Variants in SYT5 observed in about 807,000 individuals in gnomAD.
SYT5 encodes the protein synaptotagmin 5.
In SYT5, 29 loss-of-function variants were observed where a neutral mutation model predicts 36.0. The observed-to-expected ratio is 0.81, with a 90% CI of 0.60 to 1.10. The LOEUF (loss-of-function observed/expected upper bound fraction) is 1.10, where lower values mean the gene tolerates loss of function less well. Ranked by LOEUF, SYT5 falls within the 50% of genes least tolerant of loss-of-function variation. SYT5 has a pLI of 0.00. For missense variants in SYT5, 512 were observed against 516.0 expected (o/e 0.99, Z 0.08); for synonymous variants, 231 against 227.6 (o/e 1.02, Z -0.14).
rs373887538 is a variant in SYT5 at position 55,174,661 on chromosome 19, G to A, written c.827-11C>T. On this transcript the variant is annotated splice_polypyrimidine_tract_variant and intron_variant, in intron 7 of 8. Coordinates refer to ENST00000354308, the MANE Select transcript of SYT5 (RefSeq NM_003180.3). ...CCTTGACGTATGGATCTGGGGAGAGGAAGGAGGAGTCTTATAGCTCCCCAC... is the reference window on the plus strand; with the variant it reads ...CCTTGACGTATGGATCTGGGGAGAGAAAGGAGGAGTCTTATAGCTCCCCAC... 8.2e-5 allele frequency: 132 copies of A among 1,614,014 alleles called. No individual in the cohort carries two copies. In the African/African-American group the frequency reaches 1.6e-3, roughly 20 times the overall value.
Position 55,175,074 on chromosome 19 carries a change from C to A in SYT5, c.709-75G>T. On this transcript the variant is annotated intron_variant, in intron 6 of 8. Coordinates refer to ENST00000354308, the MANE Select transcript of SYT5 (RefSeq NM_003180.3). This position sits in a 1 kb window ranked among gnomAD's most constrained non-coding sequence, Gnocchi z 4.5. ...TCCTCAGGGGTACAATCCACGCCGC[C>A]CTGAGGGTCTGGAAAGCCTATGATC... The A allele has an allele frequency of 6.3e-7, 1 of 1,597,556 alleles. No homozygotes were observed. Among genetic ancestry groups the A allele is most frequent in the Non-Finnish European group, 8.5e-7 (1 of 1,174,280 alleles).
chr19:55,173,272 C>T lies in SYT5; in HGVS notation c.*212G>A, dbSNP rs915177066. ...GGTCCCTGGGGCATCTGGGTGTGTC[C>T]GCGAGGGTCGGGGGAGTGTGCTGGA... is the stretch of plus-strand genomic sequence containing the variant. On this transcript the variant is annotated 3_prime_UTR_variant, in exon 9 of 9. Coordinates refer to ENST00000354308, the MANE Select transcript of SYT5 (RefSeq NM_003180.3). The surrounding 1 kb of genome is among the most constrained non-coding windows in gnomAD (Gnocchi z 5.4). 1.6e-5 allele frequency: 7 copies of T among 433,052 alleles called. No homozygotes were observed. The highest frequency in any genetic ancestry group is 1.1e-4 in the East Asian group (3 of 27,944). 26.8% of individuals were successfully genotyped at this position (433,052 alleles called of 1,614,324 possible). A position where few individuals can be genotyped will look rare whatever the true frequency, so the allele number is the denominator to read the frequency against.
At position 55,175,932 on chromosome 19, in the gene SYT5, C is replaced by A; in HGVS notation, c.373-56G>T. 1 of 1,613,316 alleles carries A rather than the reference C, an allele frequency of 6.2e-7. No homozygotes were observed. Among genetic ancestry groups the A allele is most frequent in the South Asian group, 1.1e-5 (1 of 91,052 alleles). ...GGGAACACTAGTCTTAGCCTCCCTT[C>A]CATGGCTCCTTTCAGAAGGGGTTGG... On this transcript the variant is annotated intron_variant, in intron 4 of 8. Transcript: ENST00000354308. The surrounding 1 kb of genome is among the most constrained non-coding windows in gnomAD (Gnocchi z 4.5).
chr19:55,173,821 G>A lies in SYT5; in HGVS notation c.961-137C>T. 1.2e-6 allele frequency: 1 copy of A among 855,524 alleles called. No homozygotes were observed. The highest frequency in any genetic ancestry group is 1.6e-6 in the Non-Finnish European group (1 of 621,198). The allele number at this position is 855,524 out of a possible 1,614,324, so 53.0% of individuals were successfully genotyped here. On this transcript the variant is annotated intron_variant, in intron 8 of 8. Coordinates refer to ENST00000354308, the MANE Select transcript of SYT5 (RefSeq NM_003180.3). This position sits in a 1 kb window ranked among gnomAD's most constrained non-coding sequence, Gnocchi z 5.4. The stretch of plus-strand genomic sequence containing the variant: ...CGGGGCCCCGGAGCTCGGGACGGGG[G>A]AGGGGGTGGGAGACGAGAGGGACGG...
chr19:55,175,085 G>A lies in SYT5; in HGVS notation c.709-86C>T. The A allele has an allele frequency of 6.3e-7, 1 of 1,592,816 alleles. No homozygotes were observed. Among genetic ancestry groups the A allele is most frequent in the South Asian group, 1.1e-5 (1 of 89,426 alleles). ...ACAATCCACGCCGCCCTGAGGGTCT[G>A]GAAAGCCTATGATCTGATTGGCTCA... is the stretch of plus-strand genomic sequence containing the variant. On this transcript the variant is annotated intron_variant, in intron 6 of 8. Coordinates refer to ENST00000354308, the MANE Select transcript of SYT5 (RefSeq NM_003180.3). The surrounding 1 kb of genome is among the most constrained non-coding windows in gnomAD (Gnocchi z 4.5).
rs1355110744 is a variant in SYT5, at chr19:55,174,802, C to T, written c.826+80G>A. ...AGGTCCTCCCTGTCCCCGAAGAAAC[C>T]CTCGAGGCTCAGAAACTGTCAGAAC... On this transcript the variant is annotated intron_variant, in intron 7 of 8. Transcript: ENST00000354308. 3 of 1,577,162 alleles carry T rather than the reference C, an allele frequency of 1.9e-6. No individual in the cohort carries two copies. The East Asian group carries it at 6.7e-5, about 35-fold the overall frequency.
At chr19:55,174,774 G>A (rs2086051935) in intron 7 of SYT5, 108 bp downstream of exon 7, 3 of 1,569,110 alleles carry the variant, frequency 1.9e-6, no homozygotes, top group South Asian at 1.1e-5. Flanking sequence ...TTCCACAGCA[G>A]CCAGGTCCTC....
At chr19:55,176,461 G>T (rs1372067022) in intron 3 of SYT5, among the ~76,000 whole-genome samples, 1 of 152,228 alleles carries the variant, frequency 6.6e-6, no homozygotes. Flanking sequence ...ATGTACTGGG[G>T]TGCTAGTCCA....
Position 55,175,410 on chromosome 19 carries a change from A to C in SYT5, c.541-71T>G, listed in dbSNP as rs2086064600. ...TAGGGTGAGGCACAGCACAACCAGA[A>C]GGAAGGCATGGAGTGAGGCAGCGAG... On this transcript the variant is annotated intron_variant, in intron 5 of 8. Transcript: ENST00000354308. The surrounding 1 kb of genome is among the most constrained non-coding windows in gnomAD (Gnocchi z 4.5). 1 of 1,446,502 alleles carries C rather than the reference A, an allele frequency of 6.9e-7. No individual in the cohort carries two copies. The highest frequency in any genetic ancestry group is 1.4e-5 in the African/African-American group (1 of 70,502). 89.6% of individuals were successfully genotyped at this position (1,446,502 alleles called of 1,614,324 possible).
Position 55,178,852 on chromosome 19 carries a change from C to T in SYT5, c.79+111G>A, listed in dbSNP as rs1019722523. 3.1e-6 allele frequency: 4 copies of T among 1,276,314 alleles called. No individual in the cohort carries two copies. The African/African-American group carries it at 4.8e-5, about 15-fold the overall frequency. 79.1% of individuals were successfully genotyped at this position (1,276,314 alleles called of 1,614,324 possible). A position where few individuals can be genotyped will look rare whatever the true frequency, so the allele number is the denominator to read the frequency against. ...AGTCCAGGATGACGACCCGGGATCCCAGCCGGATTTTCCAGCCCGCCTGCC... is the reference window on the plus strand; with the variant it reads ...AGTCCAGGATGACGACCCGGGATCCTAGCCGGATTTTCCAGCCCGCCTGCC... On this transcript the variant is annotated intron_variant, in intron 2 of 8. Coordinates refer to ENST00000354308, the MANE Select transcript of SYT5 (RefSeq NM_003180.3).
At position 55,173,547 on chromosome 19, in the gene SYT5, C is replaced by T. The variant is rs1245446323; in HGVS notation, c.1098G>A (p.Arg366=). Residue 366 remains arginine, a synonymous_variant, in exon 9 of 9, where the codon CGG becomes CGA. Coordinates refer to ENST00000354308, the MANE Select transcript of SYT5 (RefSeq NM_003180.3). The surrounding 1 kb of genome is among the most constrained non-coding windows in gnomAD (Gnocchi z 5.4). ...HWADMLANPR[R]PIAQWHSLRP... is the part of the protein sequence containing the mutation. Reference sequence around the variant, plus strand: ...GCAGCGAGTGCCACTGGGCAATGGGCCGCCGCGGGTTGGCCAGCATGTCCG... The same window carrying T: ...GCAGCGAGTGCCACTGGGCAATGGGTCGCCGCGGGTTGGCCAGCATGTCCG... 4.2e-6 allele frequency: 6 copies of T among 1,430,590 alleles called. No individual in the cohort carries two copies. Among genetic ancestry groups the T allele is most frequent in the African/African-American group, 1.5e-5 (1 of 66,482 alleles). The allele number at this position is 1,430,590 out of a possible 1,614,324, so 88.6% of individuals were successfully genotyped here.
At chr19:55,176,698 T>C (rs76959352) in intron 3 of SYT5, among the ~76,000 whole-genome samples, 11,582 of 152,208 alleles carry the variant, frequency 0.076, 974 homozygotes, top group Admixed American at 0.24. Context: ...CAGGTGCTAG[T>C]GCCAGAATTT....
rs2086119114 is a variant in SYT5 at position 55,179,311 on chromosome 19, G to C, written c.-45-225C>G. The C allele has an allele frequency of 3.9e-6, 5 of 1,286,400 alleles. No homozygotes were observed. The highest frequency in any genetic ancestry group is 5.0e-6 in the Non-Finnish European group (5 of 993,218). The allele number at this position is 1,286,400 out of a possible 1,614,324, so 79.7% of individuals were successfully genotyped here. Reference sequence around the variant, plus strand: ...TCCTCCACGGCCCCACAGGCATCCCGCTGACTTCTGCCTCGTCCTCGCCCC... The same window carrying C: ...TCCTCCACGGCCCCACAGGCATCCCCCTGACTTCTGCCTCGTCCTCGCCCC... On this transcript the variant is annotated intron_variant, in intron 1 of 8. Transcript: ENST00000354308. The surrounding 1 kb of genome is among the most constrained non-coding windows in gnomAD (Gnocchi z 4.5).
rs1339517490 is a variant in SYT5, at chr19:55,179,635, C to T, written c.-46+482G>A. ...GTCCGAGCGCCCACAGCCGACTGCTCCCTCCGCACCTGGTCCTGGGAGCTG... is the reference window on the plus strand; with the variant it reads ...GTCCGAGCGCCCACAGCCGACTGCTTCCTCCGCACCTGGTCCTGGGAGCTG... On this transcript the variant is annotated intron_variant, in intron 1 of 8. Coordinates refer to ENST00000354308, the MANE Select transcript of SYT5 (RefSeq NM_003180.3). The surrounding 1 kb of genome is among the most constrained non-coding windows in gnomAD (Gnocchi z 4.5). 1 of 160,618 alleles carries T rather than the reference C, an allele frequency of 6.2e-6. No homozygotes were observed. The highest frequency in any genetic ancestry group is 1.4e-5 in the Non-Finnish European group (1 of 73,990). 9.9% of individuals were successfully genotyped at this position (160,618 alleles called of 1,614,324 possible). A position where few individuals can be genotyped will look rare whatever the true frequency, so the allele number is the denominator to read the frequency against.
In SYT5 at chr19:55,178,952, G is replaced by T; in HGVS notation, c.79+11C>A. The T allele has an allele frequency of 6.6e-7, 1 of 1,504,218 alleles. No homozygotes were observed. The highest frequency in any genetic ancestry group is 8.9e-7 in the Non-Finnish European group (1 of 1,126,952). 93.2% of individuals were successfully genotyped at this position (1,504,218 alleles called of 1,614,324 possible). On this transcript the variant is annotated intron_variant, in intron 2 of 8. Transcript: ENST00000354308. The stretch of plus-strand genomic sequence containing the variant: ...TCTCTGCTCGGCCCCCCACCCCCGG[G>T]TCTTGCTCACCTGGGCCGTGGCTGA...
intron 8 of SYT5, among the ~76,000 whole-genome samples, chr19:55,174,281 T>G (rs2086044408): frequency 6.6e-6 from 1 of 151,842 alleles, no homozygotes; most frequent in Non-Finnish European, 1.5e-5. Flanking sequence ...TGGTACTGCT[T>G]AGGGGTGGGA....
Position 55,175,382 on chromosome 19 carries a change from A to G in SYT5, c.541-43T>C. ...TCCGCAGTAGAGAGCAGGAAGTCAG[A>G]GATAGGGTGAGGCACAGCACAACCA... On this transcript the variant is annotated intron_variant, in intron 5 of 8. Coordinates refer to ENST00000354308, the MANE Select transcript of SYT5 (RefSeq NM_003180.3). The surrounding 1 kb of genome is among the most constrained non-coding windows in gnomAD (Gnocchi z 4.5). The G allele has an allele frequency of 6.7e-7, 1 of 1,493,770 alleles. No individual in the cohort carries two copies. Among genetic ancestry groups the G allele is most frequent in the Non-Finnish European group, 8.9e-7 (1 of 1,127,480 alleles). The allele number at this position is 1,493,770 out of a possible 1,614,324, so 92.5% of individuals were successfully genotyped here. A position where few individuals can be genotyped will look rare whatever the true frequency, so the allele number is the denominator to read the frequency against.
In SYT5 at chr19:55,174,952, C is replaced by T. The variant is rs781551148; in HGVS notation, c.756G>A (p.Thr252=). The change falls in exon 7 of 9, where the codon ACG becomes ACA. Residue 252 remains threonine, a synonymous_variant. Transcript: ENST00000354308. ...DICFSLRYVP[T]AGKLTVIVLE... ...GGACGATGACGGTGAGCTTCCCGGC[C>T]GTGGGGACATAGCGGAGGGAGAAGC... 13 of 1,614,072 alleles carry T rather than the reference C, an allele frequency of 8.1e-6. No homozygotes were observed. Among genetic ancestry groups the T allele is most frequent in the Admixed American group, 1.7e-5 (1 of 60,008 alleles).
chr19:55,172,874 T>A lies in SYT5; in HGVS notation c.*610A>T, dbSNP rs911861493. On this transcript the variant is annotated 3_prime_UTR_variant, in exon 9 of 9. Coordinates refer to ENST00000354308, the MANE Select transcript of SYT5 (RefSeq NM_003180.3). The stretch of plus-strand genomic sequence containing the variant: ...ACAGCCAGCGTGTGGCAGGAATTAT[T>A]ATTATCCCAACATTCTCCAGAGGAG... 10 of 152,226 alleles carry A rather than the reference T, an allele frequency of 6.6e-5. No homozygotes were observed. Among genetic ancestry groups the A allele is most frequent in the African/African-American group, 2.4e-4 (10 of 41,378 alleles). The allele number at this position is 152,226 out of a possible 1,614,324, so 9.4% of individuals were successfully genotyped here.
Sources: allele counts gnomAD v4.1 joint callset (sites outside exome capture counted in the v4.1 genomes callset), GRCh38; gene constraint gnomAD v4.1.1; non-coding constraint Gnocchi (gnomAD v3.1); transcripts MANE v1.5; gene names NCBI Gene and HGNC (gene_info 2026-07-23, HGNC 2026-07-21).